SHROOM4: variants seen among roughly 807,000 people sequenced by gnomAD.
SHROOM4 encodes the protein shroom family member 4, also known as protein Shroom4.
SHROOM4 carries 17 observed loss-of-function variants against 80.3 expected under a neutral mutation model. The observed-to-expected ratio is 0.21, with a 90% confidence interval of 0.14 to 0.32. SHROOM4 has a LOEUF of 0.32. Ranked by LOEUF, SHROOM4 falls within the 10% of genes least tolerant of loss-of-function variation. SHROOM4 has a pLI of 1.00. For missense variants in SHROOM4, 993 were observed against 1,140.3 expected, an observed-to-expected ratio of 0.87 and a Z score of 1.86; for synonymous variants, 400 against 437.5, an observed-to-expected ratio of 0.91 and a Z score of 1.07.
intron 1 of SHROOM4, among the ~76,000 whole-genome samples, chrX:50,778,297 T>C (rs1396611814): frequency 8.9e-6 from 1 of 112,522 alleles, no homozygotes; most frequent in Non-Finnish European, 1.9e-5. Context: ...TCAACATGTT[T>C]TGCTTAACTA....
rs1557254910 is a variant in SHROOM4 at position 50,633,863 on chromosome X, A to G, written c.2210T>C (p.Leu737Pro). The G allele has an allele frequency of 8.3e-7, 1 of 1,211,867 alleles. No homozygotes were observed. Among genetic ancestry groups the G allele is most frequent in the Admixed American group, 2.2e-5 (1 of 46,092 alleles). The change falls in exon 4 of 9, where the codon CTT becomes CCT. Residue 737 changes from leucine (L) to proline (P), a missense_variant. Transcript: ENST00000376020. ...RWSPEHNSQP[L>P]VAAAMEGPSN... ...AGGGCCTTCCATGGCTGCTGCCACA[A>G]GTGGCTGTGAATTATGCTCTGGAGA...
chrX:50,591,806 C>G lies in SHROOM4; in HGVS notation c.*4889G>C, dbSNP rs1557245572. 1 of 308,453 alleles carries G rather than the reference C, an allele frequency of 3.2e-6. No individual in the cohort carries two copies. The highest frequency in any genetic ancestry group is 6.2e-6 in the Non-Finnish European group (1 of 160,542). 25.4% of individuals were successfully genotyped at this position (308,453 alleles called of 1,213,427 possible). ...GGTCTCAGCTCACTGCAATCTCTGC[C>G]TTCCAGGTTCAAGCAATTCTCCTGC... On this transcript the variant is annotated 3_prime_UTR_variant, in exon 9 of 9. Transcript: ENST00000376020.
chrX:50,777,034 G>T (rs1935527003), intron 1 of SHROOM4, among the ~76,000 whole-genome samples: 1 of 111,302 alleles, frequency 9.0e-6, no homozygotes. Context: ...GATTTGACCT[G>T]TTCCTTCATA....
chrX:50,728,273 G>C (rs1172789620), intron 1 of SHROOM4, among the ~76,000 whole-genome samples: 1 of 111,038 alleles, frequency 9.0e-6, no homozygotes, highest in African/African-American at 3.3e-5. Flanking sequence ...GCAGGAGAAT[G>C]GTGTAAACCT....
chrX:50,638,147 G>A lies in SHROOM4; in HGVS notation c.404+27C>T, dbSNP rs1468684362. On this transcript the variant is annotated intron_variant, in intron 3 of 8. Coordinates refer to ENST00000376020, the MANE Select transcript of SHROOM4 (RefSeq NM_020717.5). ...GTCCAAGGTGTCTACCCTCCAGCCT[G>A]TCTTGAGGGGAGGGCTCTAGACTCA... The A allele has an allele frequency of 7.5e-6, 9 of 1,196,219 alleles. No individual in the cohort carries two copies. The South Asian group carries it at 1.3e-4, about 17-fold the overall frequency.
At chrX:50,598,239 C>T (rs782769143) in intron 8 of SHROOM4, 27 bp downstream of exon 8, 3 of 1,210,311 alleles carry the variant, frequency 2.5e-6, no homozygotes, top group South Asian at 3.5e-5. Context: ...TTTCCCTCTA[C>T]CCACACCCCA....
intron 1 of SHROOM4, among the ~76,000 whole-genome samples, chrX:50,799,708 A>T (rs947012206): frequency 8.9e-6 from 1 of 112,222 alleles, no homozygotes; most frequent in African/African-American, 3.2e-5. Context: ...ACATTCACAC[A>T]TACACACACA....
At position 50,634,243 on chromosome X, in the gene SHROOM4, C is replaced by T; in HGVS notation, c.1830G>A (p.Leu610=). The T allele has an allele frequency of 8.3e-7, 1 of 1,211,718 alleles. No homozygotes were observed. Among genetic ancestry groups the T allele is most frequent in the Non-Finnish European group, 1.1e-6 (1 of 895,519 alleles). The change falls in exon 4 of 9, where the codon TTG becomes TTA. Residue 610 remains leucine, a synonymous_variant. Coordinates refer to ENST00000376020, the MANE Select transcript of SHROOM4 (RefSeq NM_020717.5). ...GCTCCTTAGTGTCACACAGCTGTGA[C>T]AAGGGACCCTTGCTTTTCTGGAGCT... ...KAQLQKSKGP[L]SQLCDTKEPV...
At chrX:50,786,872 A>G (rs1480025624) in intron 1 of SHROOM4, among the ~76,000 whole-genome samples, 1 of 111,871 alleles carries the variant, frequency 8.9e-6, no homozygotes, top group Non-Finnish European at 1.9e-5. Flanking sequence ...GGTCAGAAGA[A>G]CAACACATGA....
intron 1 of SHROOM4, among the ~76,000 whole-genome samples, chrX:50,758,680 T>C (rs1935088961): frequency 8.9e-6 from 1 of 112,193 alleles, no homozygotes; most frequent in African/African-American, 3.2e-5. Context: ...TTTTCTTTTC[T>C]TGTAGAATGA....
rs781827163 is a variant in SHROOM4 at position 50,602,697 on chromosome X, T to C, written c.3878A>G (p.Gln1293Arg). Residue 1293 changes from glutamine (Q) to arginine (R), a missense_variant, in exon 7 of 9, where the codon CAA (glutamine) becomes CGA (arginine). Physicochemically the swap from Gln to Arg is conservative, Grantham distance 43 (BLOSUM62 1). Coordinates refer to ENST00000376020, the MANE Select transcript of SHROOM4 (RefSeq NM_020717.5). ...TAGGCCAATCTCTGCCATCTCAGGT[T>C]GGTCTTTCAGTTTGTTCAGCAGCTC... Reference protein sequence around the residue: ...KAELLNKLKDQPEMAEIGLGE... With the variant: ...KAELLNKLKDRPEMAEIGLGE... The C allele has an allele frequency of 8.3e-7, 1 of 1,211,722 alleles. No individual in the cohort carries two copies. Among genetic ancestry groups the C allele is most frequent in the Non-Finnish European group, 1.1e-6 (1 of 895,483 alleles).
intron 2 of SHROOM4, among the ~76,000 whole-genome samples, chrX:50,665,237 C>T (rs1557260256): frequency 1.8e-5 from 2 of 110,888 alleles, no homozygotes; most frequent in African/African-American, 6.6e-5. Flanking sequence ...GAACCTTAAC[C>T]CTCATCCAAT....
intron 1 of SHROOM4, among the ~76,000 whole-genome samples, chrX:50,739,316 C>A (rs1200739776): frequency 2.7e-5 from 3 of 111,499 alleles, no homozygotes; most frequent in East Asian, 2.8e-4. Flanking sequence ...GCAACAAAAG[C>A]TAAAATTGAC....
intron 1 of SHROOM4, among the ~76,000 whole-genome samples, chrX:50,737,673 G>C (rs1934528904): frequency 9.0e-6 from 1 of 111,151 alleles, no homozygotes; most frequent in Non-Finnish European, 1.9e-5. Context: ...CTCTGAAATT[G>C]AGGCAATAAT....
At chrX:50,620,808 CAT>C (rs2147264535) in intron 5 of SHROOM4, among the ~76,000 whole-genome samples, 1 of 111,707 alleles carries the variant, frequency 9.0e-6, no homozygotes, top group South Asian at 3.8e-4. Flanking sequence ...TTTATTGCCT[CAT>C]GTGTAAATTG....
At chrX:50,603,815 A>G (rs1929548453) in intron 6 of SHROOM4, among the ~76,000 whole-genome samples, 1 of 111,650 alleles carries the variant, frequency 9.0e-6, no homozygotes, top group Admixed American at 9.5e-5. Context: ...TGGTGTGAGG[A>G]AGGAAGTAGA....
chrX:50,618,424 C>CT (rs1227039831), intron 5 of SHROOM4, among the ~76,000 whole-genome samples: 6 of 79,353 alleles, frequency 7.6e-5, no homozygotes, highest in Admixed American at 4.2e-4. Flanking sequence ...TCCTTCCTTT[C>CT]TTATTTTTGA....
intron 2 of SHROOM4, among the ~76,000 whole-genome samples, chrX:50,651,721 A>C (rs1932073507): frequency 9.0e-6 from 1 of 110,830 alleles, no homozygotes; most frequent in Non-Finnish European, 1.9e-5. Context: ...TCCTAATGCT[A>C]TCCCTCCCCT....
At position 50,589,461 on chromosome X, in the gene SHROOM4, CA is replaced by C. The variant is rs1557245164; in HGVS notation, c.*7233del. On this transcript the variant is annotated 3_prime_UTR_variant, in exon 9 of 9. Transcript: ENST00000376020. ...ATTGCCCCTGAGCCCCCAGCCTTGACAACCACTAATCTGCTTTCTACCTTTA... is the reference window on the plus strand; with the variant it reads ...ATTGCCCCTGAGCCCCCAGCCTTGACACCACTAATCTGCTTTCTACCTTTA... Among the ~76,000 whole-genome samples the C allele has an allele frequency of 9.0e-6, 1 of 111,449 alleles. No individual in the cohort carries two copies. Among genetic ancestry groups the C allele is most frequent in the African/African-American group, 3.3e-5 (1 of 30,694 alleles).
Sources: gnomAD v4.1 joint callset for allele counts (sites outside exome capture counted in the v4.1 genomes callset) on GRCh38, gnomAD v4.1.1 for gene constraint, MANE v1.5 for transcripts, NCBI Gene and HGNC (gene_info 2026-07-23, HGNC 2026-07-21) for gene names.